GPHN: variants seen among roughly 807,000 people sequenced by gnomAD.
The protein encoded by GPHN is gephyrin.
Under a neutral mutation model 95.5 loss-of-function variants are expected in GPHN, and 17 were observed. The ratio of observed to expected loss-of-function variants is 0.18; its 90% CI spans 0.12 to 0.27. The LOEUF is 0.27. Ranked by LOEUF, GPHN falls within the 10% of genes least tolerant of loss-of-function variation. GPHN has a pLI of 1.00. For missense variants in GPHN, 660 were observed against 978.1 expected (o/e 0.67, Z 4.34); for synonymous variants, 320 against 322.5 (o/e 0.99, Z 0.08).
chr14:67,601,358 C>T, the GPHN span, among the ~76,000 whole-genome samples: 145,806 of 152,216 alleles, frequency 0.96, 70,114 homozygotes, highest in East Asian at 1. Flanking sequence ...GCTGGGGAGG[C>T]AGGTAGGGGT....
At chr14:67,074,716 A>G (rs1000583584) in intron 11 of GPHN, among the ~76,000 whole-genome samples, 1 of 152,202 alleles carries the variant, frequency 6.6e-6, no homozygotes, top group Admixed American at 6.5e-5. Flanking sequence ...GCAAAGGAAA[A>G]GTTCTTTAAG....
intron 2 of GPHN, among the ~76,000 whole-genome samples, chr14:66,707,172 G>A (rs1169215244): frequency 3.3e-5 from 5 of 152,280 alleles, no homozygotes; most frequent in African/African-American, 7.2e-5. Context: ...AATAGATGCT[G>A]GTGAGGCTGT....
intron 1 of GPHN, among the ~76,000 whole-genome samples, chr14:66,542,325 C>G (rs941650819): frequency 2.0e-5 from 3 of 152,100 alleles, no homozygotes; most frequent in Non-Finnish European, 2.9e-5. Context: ...TCTTAGATGA[C>G]TTATTTAATG....
rs2153368832 is a variant in GPHN, at chr14:66,655,345, C to G, written c.65-25762C>G. On this transcript the variant is annotated intron_variant, in intron 1 of 22. Coordinates refer to ENST00000478722, the MANE Select transcript of GPHN (RefSeq NM_020806.5). Reference sequence around the variant, plus strand: ...CAACGTTTTGTAGATGTACACCTACCTATTTCATTTTTTTTAAGCAATGAT... The same window carrying G: ...CAACGTTTTGTAGATGTACACCTACGTATTTCATTTTTTTTAAGCAATGAT... 2.0e-5 allele frequency among the ~76,000 whole-genome samples: 3 copies of G among 152,104 alleles called. No individual in the cohort carries two copies. The Middle Eastern group carries it at 0.01, about 517-fold the overall frequency.
chr14:67,278,844 G>T, the GPHN span, among the ~76,000 whole-genome samples: 4 of 151,952 alleles, frequency 2.6e-5, no homozygotes, highest in African/African-American at 9.7e-5. Context: ...GGGGAGGGGG[G>T]AATCTTGATT....
At chr14:67,522,038 G>A in the GPHN span, among the ~76,000 whole-genome samples, 1 of 152,180 alleles carries the variant, frequency 6.6e-6, no homozygotes, top group African/African-American at 2.4e-5. Flanking sequence ...GCCGGGCATG[G>A]TGGAGCGTGC....
At chr14:67,377,393 G>A in the GPHN span, among the ~76,000 whole-genome samples, 2 of 152,108 alleles carry the variant, frequency 1.3e-5, no homozygotes, top group African/African-American at 4.8e-5. Flanking sequence ...TTCAGTAGTG[G>A]CTATTTTAGA....
the GPHN span, chr14:67,678,064 A>G: frequency 2.7e-6 from 1 of 370,876 alleles, no homozygotes. Context: ...TGTGCAGGTC[A>G]TATGAGGGTC....
At chr14:67,013,034 A>G (rs535293054) in intron 9 of GPHN, among the ~76,000 whole-genome samples, 1 of 152,250 alleles carries the variant, frequency 6.6e-6, no homozygotes, top group East Asian at 1.9e-4. Context: ...GTAAATTCCA[A>G]GATAGCAAGG....
At chr14:66,723,286 CTT>C (rs58807247) in intron 2 of GPHN, among the ~76,000 whole-genome samples, 38,063 of 150,834 alleles carry the variant, frequency 0.25, 9,653 homozygotes, top group African/African-American at 0.62. Flanking sequence ...AAGTTTATAA[CTT>C]TATAAATATA....
chr14:66,795,241 G>A (rs2060114653), intron 3 of GPHN, among the ~76,000 whole-genome samples: 1 of 151,682 alleles, frequency 6.6e-6, no homozygotes. Flanking sequence ...CTACTTTTTT[G>A]GTATGCTAAT....
chr14:66,806,174 C>T (rs2060533251), intron 3 of GPHN, among the ~76,000 whole-genome samples: 1 of 152,228 alleles, frequency 6.6e-6, no homozygotes, highest in Non-Finnish European at 1.5e-5. Context: ...TCTGAAGCCA[C>T]AGCTTGAGCT....
intron 1 of GPHN, among the ~76,000 whole-genome samples, chr14:66,568,244 C>A (rs2060540169): frequency 2.0e-5 from 3 of 152,094 alleles, no homozygotes; most frequent in Admixed American, 6.5e-5. Flanking sequence ...TGTAAATAAT[C>A]ATTCACCATA....
chr14:66,933,590 A>G (rs1440569974), intron 8 of GPHN, among the ~76,000 whole-genome samples: 1 of 151,964 alleles, frequency 6.6e-6, no homozygotes, highest in Non-Finnish European at 1.5e-5. Flanking sequence ...ATAAGCCCTT[A>G]CCTCACCACT....
At chr14:67,211,289 G>A in the GPHN span, among the ~76,000 whole-genome samples, 1 of 152,072 alleles carries the variant, frequency 6.6e-6, no homozygotes, top group African/African-American at 2.4e-5. Flanking sequence ...GAGAGAGGAA[G>A]ATAGGTTCAA....
chr14:67,390,827 C>G, the GPHN span: 1 of 997,016 alleles, frequency 1.0e-6, no homozygotes, highest in African/African-American at 1.6e-5. Flanking sequence ...TAATGCCAAA[C>G]CCCCAACAAG....
At chr14:66,953,422 A>C (rs1452661110) in intron 8 of GPHN, among the ~76,000 whole-genome samples, 1 of 152,012 alleles carries the variant, frequency 6.6e-6, no homozygotes, top group African/African-American at 2.4e-5. Context: ...ATTTACCTTT[A>C]TGTTTTCTTC....
At chr14:66,708,676 T>G (rs2069328866) in intron 2 of GPHN, among the ~76,000 whole-genome samples, 1 of 152,154 alleles carries the variant, frequency 6.6e-6, no homozygotes, top group South Asian at 2.1e-4. Context: ...TTGCCAGATT[T>G]GCTTGGATTT....
intron 1 of GPHN, among the ~76,000 whole-genome samples, chr14:66,643,643 G>T (rs1595377539): frequency 6.6e-6 from 1 of 151,860 alleles, no homozygotes; most frequent in South Asian, 2.1e-4. Context: ...CCTATGGTAT[G>T]ATTCATTTTT....
Sources: allele counts gnomAD v4.1 joint callset (sites outside exome capture counted in the v4.1 genomes callset), GRCh38; gene constraint gnomAD v4.1.1; transcripts MANE v1.5; gene names NCBI Gene and HGNC (gene_info 2026-07-23, HGNC 2026-07-21).